The following PLA2G6 variants were observed in gnomAD, a reference collection of about 807,000 sequenced individuals.
The protein encoded by PLA2G6 is phospholipase A2 group VI, also known as 85/88 kDa calcium-independent phospholipase A2.
In PLA2G6, 62 loss-of-function variants were observed where a neutral mutation model predicts 83.8. The observed-to-expected ratio is 0.74, with a 90% CI of 0.60 to 0.91. The LOEUF is 0.91. Among genes scored for constraint, PLA2G6 ranks in the 40% least tolerant of loss-of-function variants. The probability of loss-of-function intolerance (pLI) is 0.00; values close to 1 mark genes in which losing one functional copy is unlikely to be tolerated. For missense variants in PLA2G6, 944 were observed against 1,102.0 expected, an observed-to-expected ratio of 0.86 and a Z score of 2.03; for synonymous variants, 417 against 449.8, an observed-to-expected ratio of 0.93 and a Z score of 0.92.
intron 1 of PLA2G6, among the ~76,000 whole-genome samples, chr22:38,179,198 A>G (rs1254061824): frequency 6.6e-6 from 1 of 152,224 alleles, no homozygotes; most frequent in Non-Finnish European, 1.5e-5. Context: ...ATGTTTAGCG[A>G]GTTCCAGGAA....
chr22:38,135,006 G>T lies in PLA2G6; in HGVS notation c.876C>A (p.His292Gln). ...KDPRYGASPLHWAKNAEMARM... is the reference protein window; with the variant it reads ...KDPRYGASPLQWAKNAEMARM... The stretch of plus-strand genomic sequence containing the variant: ...CACTCACCTCTGCGTTCTTGGCCCA[G>T]TGGAGGGGGCTGGCTCCGTAACGGG... The change falls in exon 6 of 17, where the codon CAC becomes CAA. Residue 292 changes from histidine (H) to glutamine (Q), a missense_variant. Transcript: ENST00000332509. The T allele has an allele frequency of 7.3e-7, 1 of 1,361,940 alleles. No homozygotes were observed. Among genetic ancestry groups the T allele is most frequent in the Non-Finnish European group, 9.9e-7 (1 of 1,012,898 alleles). 84.4% of individuals were successfully genotyped at this position (1,361,940 alleles called of 1,614,324 possible).
intron 4 of PLA2G6, chr22:38,140,374 G>A: frequency 3.6e-6 from 2 of 547,968 alleles, no homozygotes; most frequent in Non-Finnish European, 6.7e-6. Context: ...CGGGCATGGT[G>A]GCAGGCACCT....
At position 38,176,287 on chromosome 22, in the gene PLA2G6, G is replaced by A. The variant is rs139695302; in HGVS notation, c.-46+5377C>T. Among the ~76,000 whole-genome samples the A allele has an allele frequency of 3.6e-3, 547 of 152,240 alleles. 5 individuals carry two copies. Among genetic ancestry groups the A allele is most frequent in the African/African-American group, 0.013 (526 of 41,560 alleles). On this transcript the variant is annotated intron_variant, in intron 1 of 16. Transcript: ENST00000332509. ...CTTCTGCTTCCTTCTTGACTAAGCC[G>A]AGAGCAGAGGAGCCGGACAGCTGCC... is the stretch of plus-strand genomic sequence containing the variant.
In PLA2G6 at chr22:38,112,535, A is replaced by T. The variant is rs1200843545; in HGVS notation, c.2245T>A (p.Trp749Arg). ...TACTGGATGCCGACCATCTCGCACC[A>T]GGCCCGTGCCCGGTCCACAGCCCGC... ...DGRAVDRARA[W>R]CEMVGIQYFR... Residue 749 changes from tryptophan to arginine, a missense_variant, in exon 16 of 17, where the codon TGG becomes AGG. Trp to Arg is a moderately radical substitution (Grantham distance 101). Coordinates refer to ENST00000332509, the MANE Select transcript of PLA2G6 (RefSeq NM_003560.4). The T allele has an allele frequency of 6.4e-7, 1 of 1,555,050 alleles. No homozygotes were observed. Among genetic ancestry groups the T allele is most frequent in the Admixed American group, 1.9e-5 (1 of 51,892 alleles).
intron 2 of PLA2G6, chr22:38,148,858 T>TA: frequency 8.5e-6 from 2 of 236,000 alleles, no homozygotes; most frequent in Non-Finnish European, 1.6e-5. Flanking sequence ...CTAGATTATT[T>TA]CTTTTTTTTT....
intron 5 of PLA2G6, chr22:38,138,672 T>C (rs1602155624): frequency 1.3e-5 from 2 of 152,152 alleles, no homozygotes; most frequent in Admixed American, 6.6e-5. Flanking sequence ...TCCTGTTAGA[T>C]AGTATTTTTT....
chr22:38,115,417 G>A (rs746928790), intron 14 of PLA2G6, 110 bp downstream of exon 14: 24 of 914,012 alleles, frequency 2.6e-5, no homozygotes, highest in African/African-American at 2.1e-4. Context: ...GAATGAGTGC[G>A]TGTGTAAAAG....
chr22:38,144,830 CATAAA>C (rs132935), intron 3 of PLA2G6: 20,975 of 181,308 alleles, frequency 0.12, 1,433 homozygotes, highest in Admixed American at 0.19. Context: ...CATAACGTAA[CATAAA>C]ATAAAATAAA....
chr22:38,112,671 G>C (rs536568059), intron 15 of PLA2G6, 94 bp from the exon 16 acceptor site: 1 of 1,089,244 alleles, frequency 9.2e-7, no homozygotes, highest in African/African-American at 1.6e-5. Flanking sequence ...GCCCCAGCCT[G>C]GGGAGCCCCA....
chr22:38,167,196 C>G (rs895473179), intron 2 of PLA2G6, among the ~76,000 whole-genome samples: 1 of 148,840 alleles, frequency 6.7e-6, no homozygotes, highest in Admixed American at 6.7e-5. Context: ...TCACTGTACT[C>G]CAGCCTGGGT....
intron 14 of PLA2G6, 135 bp downstream of exon 14, chr22:38,115,392 C>G: frequency 1.3e-6 from 1 of 774,244 alleles, no homozygotes. Flanking sequence ...ATCAATTTGC[C>G]CTGTGTGCAC....
At chr22:38,176,811 G>A (rs761671234) in intron 1 of PLA2G6, among the ~76,000 whole-genome samples, 6 of 152,178 alleles carry the variant, frequency 3.9e-5, no homozygotes, top group African/African-American at 1.4e-4. Flanking sequence ...GGTGAGATGG[G>A]CAGATCACCT....
intron 15 of PLA2G6, chr22:38,112,797 T>C (rs1293731837): frequency 6.6e-6 from 4 of 606,282 alleles, no homozygotes; most frequent in African/African-American, 3.7e-5. Context: ...GTCTCAGCAG[T>C]GCCCTTTCAG....
chr22:38,145,032 CTTTTT>C (rs968832533), intron 3 of PLA2G6: 103 of 192,496 alleles, frequency 5.4e-4, no homozygotes, highest in South Asian at 1.1e-3. Flanking sequence ...AACGCAGCAC[CTTTTT>C]TTTTTTTTTT....
chr22:38,119,463 T>C (rs944534762), intron 12 of PLA2G6, among the ~76,000 whole-genome samples: 13 of 152,182 alleles, frequency 8.5e-5, no homozygotes, highest in African/African-American at 3.1e-4. Context: ...AAAAGGCAGA[T>C]CTAGAGAGCT....
intron 6 of PLA2G6, chr22:38,134,759 C>T: frequency 1.8e-6 from 1 of 559,292 alleles, no homozygotes; most frequent in Non-Finnish European, 3.2e-6. Context: ...AAGCAGAATT[C>T]ATGGATGAGG....
intron 1 of PLA2G6, among the ~76,000 whole-genome samples, chr22:38,172,577 G>T (rs1191715322): frequency 6.6e-6 from 1 of 152,238 alleles, no homozygotes. Flanking sequence ...GTTTTCAAAG[G>T]AAGTAGCAGT....
chr22:38,145,833 A>ACC lies in PLA2G6; in HGVS notation c.210-182_210-181dup, dbSNP rs1370786165. The ACC allele has an allele frequency of 2.0e-4, 120 of 595,134 alleles. 1 individual carries two copies. The highest frequency in any genetic ancestry group is 1.3e-3 in the Middle Eastern group (3 of 2,250). The allele number at this position is 595,134 out of a possible 1,614,324, so 36.9% of individuals were successfully genotyped here. A position where few individuals can be genotyped will look rare whatever the true frequency, so the allele number is the denominator to read the frequency against. ...CACACACACACACACACACACACAC[A>ACC]CCCCTATACACATGTAAATGACATA... On this transcript the variant is annotated intron_variant, in intron 2 of 16. Coordinates refer to ENST00000332509, the MANE Select transcript of PLA2G6 (RefSeq NM_003560.4).
At chr22:38,171,893 T>A (rs1394354828) in intron 1 of PLA2G6, among the ~76,000 whole-genome samples, 4 of 150,908 alleles carry the variant, frequency 2.7e-5, no homozygotes, top group Non-Finnish European at 1.5e-5. Flanking sequence ...AACGCCCGGG[T>A]TCAAGCGATC....
Sources: allele counts gnomAD v4.1 joint callset (sites outside exome capture counted in the v4.1 genomes callset), GRCh38; gene constraint gnomAD v4.1.1; transcripts MANE v1.5; gene names NCBI Gene and HGNC (gene_info 2026-07-23, HGNC 2026-07-21).